Variants in NBEAL2 observed in about 807,000 individuals in gnomAD.
NBEAL2 encodes the protein neurobeachin like 2, also known as neurobeachin-like protein 2.
A neutral mutation model predicts 299.8 loss-of-function variants in NBEAL2; 160 were observed. That is an observed-to-expected ratio of 0.53 (90% confidence interval 0.47 to 0.61). The LOEUF (loss-of-function observed/expected upper bound fraction) is 0.61, where lower values mean the gene tolerates loss of function less well. Among genes scored for constraint, NBEAL2 ranks in the 20% least tolerant of loss-of-function variants. The pLI is 0.00. For missense variants in NBEAL2, 3,112 were observed against 3,649.0 expected (o/e 0.85, Z 3.79); for synonymous variants, 1,493 against 1,542.3 (o/e 0.97, Z 0.75).
At chr3:46,992,582 G>A in intron 10 of NBEAL2, 27 bp downstream of exon 10, 1 of 1,564,154 alleles carries the variant, frequency 6.4e-7, no homozygotes, top group Non-Finnish European at 8.7e-7. Flanking sequence ...GACCAGCTCA[G>A]ACACCCCCTG....
Position 46,989,677 on chromosome 3 carries a change from G to A in NBEAL2, c.556+84G>A, listed in dbSNP as rs2035947555. 1 of 1,239,580 alleles carries A rather than the reference G, an allele frequency of 8.1e-7. No individual in the cohort carries two copies. The highest frequency in any genetic ancestry group is 1.2e-6 in the Non-Finnish European group (1 of 864,276). The allele number at this position is 1,239,580 out of a possible 1,614,324, so 76.8% of individuals were successfully genotyped here. ...CGTTCCTTGATCCTGCCATACACAG[G>A]AACCACTTGGTGGTGGCTGCATGCA... is the stretch of plus-strand genomic sequence containing the variant. On this transcript the variant is annotated intron_variant, in intron 6 of 53. Coordinates refer to ENST00000450053, the MANE Select transcript of NBEAL2 (RefSeq NM_015175.3). The surrounding 1 kb of genome is among the most constrained non-coding windows in gnomAD (Gnocchi z 5.5).
intron 52 of NBEAL2, 101 bp downstream of exon 52, chr3:47,008,769 A>G: frequency 6.5e-7 from 1 of 1,540,332 alleles, no homozygotes; most frequent in Non-Finnish European, 8.8e-7. Context: ...TTGTGGGCAC[A>G]TATTTCAAGG....
rs902885415 is a variant in NBEAL2 at position 46,998,970 on chromosome 3, G to C, written c.3396G>C (p.Ala1132=). 1.9e-6 allele frequency: 3 copies of C among 1,606,660 alleles called. No individual in the cohort carries two copies. The African/African-American group carries it at 4.0e-5, about 21-fold the overall frequency. ...CCCTGCATCCCCAGGCGGTGGGTGCGCTGGACCTGCTGCTGGCCCTGCTGC... is the reference window on the plus strand; with the variant it reads ...CCCTGCATCCCCAGGCGGTGGGTGCCCTGGACCTGCTGCTGGCCCTGCTGC... ...ATGDDGQAVG[A]LDLLLALLHG... is the part of the protein sequence containing the mutation. The change falls in exon 24 of 54, where the codon GCG becomes GCC. Residue 1132 remains alanine, a synonymous_variant. Coordinates refer to ENST00000450053, the MANE Select transcript of NBEAL2 (RefSeq NM_015175.3).
rs768142798 is a variant in NBEAL2, at chr3:46,988,875, A to G, written c.174A>G (p.Leu58=). Residue 58 remains leucine (L), a synonymous_variant, in exon 3 of 54, where the codon CTA becomes CTG. Transcript: ENST00000450053. The surrounding 1 kb of genome is among the most constrained non-coding windows in gnomAD (Gnocchi z 4.4). Reference sequence around the variant, plus strand: ...AGGCAGGTGCAGAGGTCCCGCTGCTACCACTGGATGAGCTGCATGTGCTGG... The same window carrying G: ...AGGCAGGTGCAGAGGTCCCGCTGCTGCCACTGGATGAGCTGCATGTGCTGG... ...PEEAGAEVPL[L]PLDELHVLAE... is the part of the protein sequence containing the mutation. 10 of 1,611,564 alleles carry G rather than the reference A, an allele frequency of 6.2e-6. No homozygotes were observed. Among genetic ancestry groups the G allele is most frequent in the Admixed American group, 1.7e-5 (1 of 59,894 alleles).
intron 49 of NBEAL2, 37 bp from the exon 50 acceptor site, chr3:47,008,033 C>T (rs2037590492): frequency 6.2e-7 from 1 of 1,606,626 alleles, no homozygotes; most frequent in Non-Finnish European, 8.5e-7. Context: ...TCCTGAGCCT[C>T]AGGGGACAGT....
Position 47,004,114 on chromosome 3 carries a change from G to T in NBEAL2, c.5919G>T (p.Leu1973=). The change falls in exon 37 of 54, where the codon CTG becomes CTT. Residue 1973 remains leucine, a synonymous_variant. Coordinates refer to ENST00000450053, the MANE Select transcript of NBEAL2 (RefSeq NM_015175.3). The surrounding 1 kb of genome is among the most constrained non-coding windows in gnomAD (Gnocchi z 5.0). The part of the protein sequence containing the change: ...GYDFRRPLAQ[L]REVHLRRFNL... ...ATTTCCGGCGCCCACTGGCCCAGCT[G>T]CGTGAGGTCCACCTGCGGCGTTTCA... is the stretch of plus-strand genomic sequence containing the variant. 1 of 1,613,438 alleles carries T rather than the reference G, an allele frequency of 6.2e-7. No individual in the cohort carries two copies. The highest frequency in any genetic ancestry group is 8.5e-7 in the Non-Finnish European group (1 of 1,179,632).
In NBEAL2 at chr3:47,003,953, C is replaced by T. The variant is rs773140805; in HGVS notation, c.5858C>T (p.Thr1953Ile). Residue 1953 changes from threonine (T) to isoleucine (I), a missense_variant, in exon 36 of 54, where the codon ACT becomes ATT. Transcript: ENST00000450053. This position sits in a 1 kb window ranked among gnomAD's most constrained non-coding sequence, Gnocchi z 7.0. ...TQNVYFYDGS[T>I]ERVETEEGIG... Reference sequence around the variant, plus strand: ...AATGTATACTTCTACGATGGCAGCACTGAGCGCGTGGAAACCGAGGAGGGT... The same window carrying T: ...AATGTATACTTCTACGATGGCAGCATTGAGCGCGTGGAAACCGAGGAGGGT... The T allele has an allele frequency of 3.7e-6, 6 of 1,613,410 alleles. No individual in the cohort carries two copies. The highest frequency in any genetic ancestry group is 4.2e-6 in the Non-Finnish European group (5 of 1,179,656).
Position 47,008,076 on chromosome 3 carries a change from C to A in NBEAL2, c.7609C>A (p.Leu2537Met). ...MVWRLLHQGG[L>M]SVGLAPKPVQ... ...CAACCCTGGTCCTCCACAGGGTGGT[C>A]TGTCAGTAGGCCTGGCACCAAAGCC... The change falls in exon 50 of 54, where the codon CTG (leucine) becomes ATG (methionine). Residue 2537 changes from leucine (L) to methionine (M), a missense_variant. Physicochemically the swap from Leu to Met is conservative, Grantham distance 15. Around this residue, in one of 3 missense-constraint regions of NBEAL2, gnomAD observed 348 missense variants for 381.4 expected, o/e 0.91. Transcript: ENST00000450053. The A allele has an allele frequency of 6.2e-7, 1 of 1,613,916 alleles. No homozygotes were observed. The highest frequency in any genetic ancestry group is 1.1e-5 in the South Asian group (1 of 91,038).
rs186783261 is a variant in NBEAL2 at position 46,984,928 on chromosome 3, G to A, written c.52-3741G>A. On this transcript the variant is annotated intron_variant, in intron 1 of 53. Transcript: ENST00000450053. Reference sequence around the variant, plus strand: ...CTCGAGTTGGGTAGGTGTGGCTGGAGAACTTTTACCCAAGAAGCAAAGGGA... The same window carrying A: ...CTCGAGTTGGGTAGGTGTGGCTGGAAAACTTTTACCCAAGAAGCAAAGGGA... Among the ~76,000 whole-genome samples, 3 of 152,290 alleles carry A rather than the reference G, an allele frequency of 2.0e-5. No homozygotes were observed. In the East Asian group the frequency reaches 5.8e-4, roughly 29 times the overall value.
At chr3:46,998,264 G>T (rs1411454313) in intron 21 of NBEAL2, 38 bp downstream of exon 21, 2 of 1,593,126 alleles carry the variant, frequency 1.3e-6, no homozygotes, top group Admixed American at 3.5e-5. Flanking sequence ...CGGCCATAGG[G>T]CAGCTGAGCA....
At position 47,003,176 on chromosome 3, in the gene NBEAL2, G is replaced by A. The variant is rs1460770698; in HGVS notation, c.5587G>A (p.Glu1863Lys). 1.2e-6 allele frequency: 2 copies of A among 1,605,200 alleles called. No individual in the cohort carries two copies. Among genetic ancestry groups the A allele is most frequent in the Non-Finnish European group, 8.5e-7 (1 of 1,173,904 alleles). The change falls in exon 35 of 54, where the codon GAG becomes AAG. Residue 1863 changes from glutamate to lysine, a missense_variant and splice_region_variant. By Grantham distance (56) the Glu-to-Lys change is moderately conservative. Coordinates refer to ENST00000450053, the MANE Select transcript of NBEAL2 (RefSeq NM_015175.3). The surrounding 1 kb of genome is among the most constrained non-coding windows in gnomAD (Gnocchi z 7.0). ...EASALRDNLG[E>K]VPLTPTEEAS... Reference sequence around the variant, plus strand: ...TGAGTACCCTTGGCCCCTTGCAGGTGAGGTTCCCCTGACACCCACCGAGGA... The same window carrying A: ...TGAGTACCCTTGGCCCCTTGCAGGTAAGGTTCCCCTGACACCCACCGAGGA...
chr3:47,008,122 A>G lies in NBEAL2; in HGVS notation c.7655A>G (p.His2552Arg). Reference protein sequence around the residue: ...APKPVQVLYGHGAAVSCVAIS... With the variant: ...APKPVQVLYGRGAAVSCVAIS... Reference sequence around the variant, plus strand: ...AAGCCTGTGCAGGTCCTGTATGGGCATGGGGCTGCAGTGAGCTGTGTGGCC... The same window carrying G: ...AAGCCTGTGCAGGTCCTGTATGGGCGTGGGGCTGCAGTGAGCTGTGTGGCC... Residue 2552 changes from histidine (H) to arginine (R), a missense_variant, in exon 50 of 54, where the codon CAT (histidine) becomes CGT (arginine). By Grantham distance (29) the His-to-Arg change is conservative. Around this residue, in one of 3 missense-constraint regions of NBEAL2, gnomAD observed 348 missense variants for 381.4 expected, o/e 0.91. Coordinates refer to ENST00000450053, the MANE Select transcript of NBEAL2 (RefSeq NM_015175.3). 1 of 1,613,992 alleles carries G rather than the reference A, an allele frequency of 6.2e-7. No homozygotes were observed.
chr3:47,004,059 T>G lies in NBEAL2; in HGVS notation c.5882-18T>G. Reference sequence around the variant, plus strand: ...GGCTGGGGTGAGTGACTCCCGTACCTGCTGTTCCTCCCCATAGGCATCGGC... The same window carrying G: ...GGCTGGGGTGAGTGACTCCCGTACCGGCTGTTCCTCCCCATAGGCATCGGC... On this transcript the variant is annotated intron_variant, in intron 36 of 53. Transcript: ENST00000450053. This position sits in a 1 kb window ranked among gnomAD's most constrained non-coding sequence, Gnocchi z 5.0. 1 of 1,608,622 alleles carries G rather than the reference T, an allele frequency of 6.2e-7. No individual in the cohort carries two copies. The highest frequency in any genetic ancestry group is 8.5e-7 in the Non-Finnish European group (1 of 1,176,214).
Position 46,991,378 on chromosome 3 carries a change from C to T in NBEAL2, c.643-28C>T, listed in dbSNP as rs2036073137. 1 of 1,588,242 alleles carries T rather than the reference C, an allele frequency of 6.3e-7. No homozygotes were observed. The highest frequency in any genetic ancestry group is 1.8e-5 in the Admixed American group (1 of 55,618). ...CTCTCTGCTGGGTGAGCCCCTTGCC[C>T]ACTGCCCATCTCTGTCCACACCTGC... On this transcript the variant is annotated intron_variant, in intron 7 of 53. Transcript: ENST00000450053. This position sits in a 1 kb window ranked among gnomAD's most constrained non-coding sequence, Gnocchi z 6.2.
chr3:46,996,463 G>A lies in NBEAL2; in HGVS notation c.2344G>A (p.Asp782Asn), dbSNP rs750019979. Residue 782 changes from aspartate (D) to asparagine (N), a missense_variant, in exon 16 of 54, where the codon GAC becomes AAC. Transcript: ENST00000450053. ...LVAPLQEGSI[D>N]STLAGTQDTR... ...GGCCCCCCTGCAGGAGGGCAGCATC[G>A]ACTCTACCCTCGCAGGCACCCAGGA... The A allele has an allele frequency of 4.4e-6, 7 of 1,603,592 alleles. No individual in the cohort carries two copies. Among genetic ancestry groups the A allele is most frequent in the South Asian group, 1.1e-5 (1 of 90,308 alleles).
At position 46,991,121 on chromosome 3, in the gene NBEAL2, C is replaced by T; in HGVS notation, c.557-98C>T. On this transcript the variant is annotated intron_variant, in intron 6 of 53. Transcript: ENST00000450053. This position sits in a 1 kb window ranked among gnomAD's most constrained non-coding sequence, Gnocchi z 6.2. ...GATCTTTTACTTGGCCCAGCTCCCT[C>T]TCCCCTCCACCCCAGGGCACTCACC... 1 of 1,080,734 alleles carries T rather than the reference C, an allele frequency of 9.3e-7. No homozygotes were observed. Among genetic ancestry groups the T allele is most frequent in the Non-Finnish European group, 1.4e-6 (1 of 722,474 alleles). 66.9% of individuals were successfully genotyped at this position (1,080,734 alleles called of 1,614,324 possible). A position where few individuals can be genotyped will look rare whatever the true frequency, so the allele number is the denominator to read the frequency against.
Position 47,004,476 on chromosome 3 carries a change from T to C in NBEAL2, c.6199-19T>C. 6.2e-7 allele frequency: 1 copy of C among 1,612,076 alleles called. No homozygotes were observed. The highest frequency in any genetic ancestry group is 8.5e-7 in the Non-Finnish European group (1 of 1,178,562). ...TGGACAGCCCACCTGGCTCACATCTTGTCTGCCCCTGTCCCCAGAAATGGG... is the reference window on the plus strand; with the variant it reads ...TGGACAGCCCACCTGGCTCACATCTCGTCTGCCCCTGTCCCCAGAAATGGG... On this transcript the variant is annotated intron_variant, in intron 37 of 53. Transcript: ENST00000450053. The surrounding 1 kb of genome is among the most constrained non-coding windows in gnomAD (Gnocchi z 5.0).
chr3:47,001,918 A>G lies in NBEAL2; in HGVS notation c.4783-2A>G, dbSNP rs1363090322. 1.2e-6 allele frequency: 2 copies of G among 1,604,614 alleles called. No homozygotes were observed. The highest frequency in any genetic ancestry group is 1.7e-6 in the Non-Finnish European group (2 of 1,173,404). On this transcript the variant is annotated splice_acceptor_variant, in intron 30 of 53. Coordinates refer to ENST00000450053, the MANE Select transcript of NBEAL2 (RefSeq NM_015175.3). LOFTEE classifies it high-confidence loss of function. This position sits in a 1 kb window ranked among gnomAD's most constrained non-coding sequence, Gnocchi z 6.1. Reference sequence around the variant, plus strand: ...TGCCACTCATCTCTCTTGCGCCCACAGCTGCATGCCCAGGCCTACGTGAGA... The same window carrying G: ...TGCCACTCATCTCTCTTGCGCCCACGGCTGCATGCCCAGGCCTACGTGAGA...
Position 46,988,023 on chromosome 3 carries a change from G to A in NBEAL2, c.52-646G>A. 1 of 1,279,982 alleles carries A rather than the reference G, an allele frequency of 7.8e-7. No homozygotes were observed. Among genetic ancestry groups the A allele is most frequent in the African/African-American group, 1.5e-5 (1 of 64,972 alleles). 79.3% of individuals were successfully genotyped at this position (1,279,982 alleles called of 1,614,324 possible). ...GTTTTCCTGGCAGCGCCTAGACCTG[G>A]GCTTAGCCACTGCCCCTCTTGCCCA... On this transcript the variant is annotated intron_variant, in intron 1 of 53. Transcript: ENST00000450053. The surrounding 1 kb of genome is among the most constrained non-coding windows in gnomAD (Gnocchi z 4.4).
Sources: gnomAD v4.1 joint callset for allele counts (sites outside exome capture counted in the v4.1 genomes callset) on GRCh38, gnomAD v4.1.1 for gene constraint, gnomAD v4.1.1 regional missense constraint, Gnocchi (gnomAD v3.1) non-coding constraint, MANE v1.5 for transcripts, NCBI Gene and HGNC (gene_info 2026-07-23, HGNC 2026-07-21) for gene names.